MFAP5: variants seen among roughly 807,000 people sequenced by gnomAD.
The protein encoded by MFAP5 is microfibril associated protein 5, also known as microfibrillar-associated protein 5.
In MFAP5, 19 loss-of-function variants were observed where a neutral mutation model predicts 30.1. The observed-to-expected ratio is 0.63, with a 90% CI of 0.44 to 0.93. The LOEUF is 0.93. Ranked by LOEUF, MFAP5 falls within the 40% of genes least tolerant of loss-of-function variation. The probability of loss-of-function intolerance (pLI) is 0.00; values close to 1 mark genes in which losing one functional copy is unlikely to be tolerated. For missense variants in MFAP5, 210 were observed against 221.3 expected, an observed-to-expected ratio of 0.95 and a Z score of 0.32; for synonymous variants, 92 against 72.9, an observed-to-expected ratio of 1.26 and a Z score of -1.33.
chr12:8,649,925 A>G (rs1475174097), intron 8 of MFAP5, among the ~76,000 whole-genome samples: 1 of 151,702 alleles, frequency 6.6e-6, no homozygotes, highest in Non-Finnish European at 1.5e-5. Context: ...TTTATCCCTC[A>G]TTCCTCTCCC....
intron 9 of MFAP5, among the ~76,000 whole-genome samples, chr12:8,648,764 A>G (rs1456032251): frequency 6.6e-6 from 1 of 152,202 alleles, no homozygotes; most frequent in African/African-American, 2.4e-5. Flanking sequence ...GAAGTTAACT[A>G]CAGCTCTTAC....
intron 6 of MFAP5, among the ~76,000 whole-genome samples, chr12:8,653,409 G>C (rs979921010): frequency 2.0e-5 from 3 of 152,086 alleles, no homozygotes; most frequent in African/African-American, 4.8e-5. Flanking sequence ...GAGTACAGTA[G>C]GGGGTTTGGA....
intron 8 of MFAP5, chr12:8,650,276 G>A (rs990248159): frequency 2.7e-5 from 14 of 517,652 alleles, no homozygotes; most frequent in African/African-American, 1.2e-4. Flanking sequence ...TTCCTCCAGC[G>A]CCCACCTTCA....
intron 3 of MFAP5, 114 bp downstream of exon 3, chr12:8,660,749 C>CTT (rs35362262): frequency 2.2e-3 from 1,433 of 648,624 alleles, no homozygotes; most frequent in South Asian, 5.1e-3. Context: ...AGGAAATATT[C>CTT]TTTTTTTTTT....
chr12:8,656,262 G>GTGTTAACCAGGA (rs774166178), intron 3 of MFAP5, among the ~76,000 whole-genome samples: 6 of 151,138 alleles, frequency 4.0e-5, no homozygotes, highest in Admixed American at 3.3e-4. Flanking sequence ...GGGTTTCACC[G>GTGTTAACCAGGA]TGGTCTCGAT....
rs1163153707 is a variant in MFAP5, at chr12:8,646,118, T to C, written c.*1973A>G. ...TTCTTAAAATTAATCTTGGAAACTCTGTGCCTATGAGGTTTCTCTAAAGTG... is the reference window on the plus strand; with the variant it reads ...TTCTTAAAATTAATCTTGGAAACTCCGTGCCTATGAGGTTTCTCTAAAGTG... On this transcript the variant is annotated 3_prime_UTR_variant, in exon 10 of 10. Coordinates refer to ENST00000359478, the MANE Select transcript of MFAP5 (RefSeq NM_003480.4). 1 of 152,676 alleles carries C rather than the reference T, an allele frequency of 6.5e-6. No individual in the cohort carries two copies. Among genetic ancestry groups the C allele is most frequent in the Admixed American group, 6.5e-5 (1 of 15,280 alleles). 9.5% of individuals were successfully genotyped at this position (152,676 alleles called of 1,614,324 possible).
intron 3 of MFAP5, among the ~76,000 whole-genome samples, chr12:8,659,309 GA>G (rs78077672): frequency 0.019 from 2,443 of 130,304 alleles, 63 homozygotes; most frequent in African/African-American, 0.061. Flanking sequence ...ACTCTGTCTC[GA>G]AAAAAAAAAA....
At chr12:8,648,421 G>A (rs1047247319) in intron 9 of MFAP5, 1 of 993,192 alleles carries the variant, frequency 1.0e-6, no homozygotes, top group Non-Finnish European at 1.4e-6. Context: ...TGTAAAATGA[G>A]AATTAAAATA....
In MFAP5 at chr12:8,657,641, C is replaced by T. The variant is rs754960462; in HGVS notation, c.95-1811G>A. ...CTGGAGTGCAGTGGCGGCATGATCT[C>T]GGCTCACTGCAACCTCCGCCTCCCA... On this transcript the variant is annotated intron_variant, in intron 3 of 9. Transcript: ENST00000359478. Among the ~76,000 whole-genome samples the T allele has an allele frequency of 2.1e-3, 309 of 145,634 alleles. 2 individuals are homozygous for T. The highest frequency in any genetic ancestry group is 7.6e-3 in the African/African-American group (300 of 39,292).
At chr12:8,656,817 G>A (rs896405702) in intron 3 of MFAP5, among the ~76,000 whole-genome samples, 3 of 151,576 alleles carry the variant, frequency 2.0e-5, no homozygotes, top group Admixed American at 6.6e-5. Context: ...ACAGGCGCCC[G>A]CCACCACACC....
rs1042828478 is a variant in MFAP5, at chr12:8,648,101, T to C, written c.512A>G (p.Asn171Ser). Reference protein sequence around the residue: ...PCENVDLQRPNGL With the variant: ...PCENVDLQRPSGL ...CCTCTTTTTCAATGATCACAGACCA[T>C]TGGGTCTCTGCAAATCCACATTTTC... is the stretch of plus-strand genomic sequence containing the variant. The change falls in exon 10 of 10, where the codon AAT becomes AGT. Residue 171 changes from asparagine (N) to serine (S), a missense_variant. Coordinates refer to ENST00000359478, the MANE Select transcript of MFAP5 (RefSeq NM_003480.4). 8.7e-6 allele frequency: 14 copies of C among 1,611,400 alleles called. No homozygotes were observed. The highest frequency in any genetic ancestry group is 2.7e-5 in the African/African-American group (2 of 74,822).
rs1265607160 is a variant in MFAP5 at position 8,656,649 on chromosome 12, C to CACAT, written c.95-820_95-819insATGT. ...ATACACACACACACACACACACACA[C>CACAT]ATATATATATATATATATATTTTTT... On this transcript the variant is annotated intron_variant, in intron 3 of 9. Coordinates refer to ENST00000359478, the MANE Select transcript of MFAP5 (RefSeq NM_003480.4). Among the ~76,000 whole-genome samples the CACAT allele has an allele frequency of 1.2e-3, 126 of 109,058 alleles. 2 individuals carry two copies. Among genetic ancestry groups the CACAT allele is most frequent in the African/African-American group, 3.6e-3 (102 of 28,334 alleles). The allele number at this position is 109,058 out of a possible 152,430, so 71.5% of individuals were successfully genotyped here.
chr12:8,655,578 G>T, intron 4 of MFAP5, 131 bp from the exon 5 acceptor site: 2 of 1,039,556 alleles, frequency 1.9e-6, no homozygotes, highest in Non-Finnish European at 2.8e-6. Context: ...TCGGGCAGAT[G>T]AGGGACTATC....
intron 6 of MFAP5, among the ~76,000 whole-genome samples, chr12:8,653,061 G>A (rs750182630): frequency 4.6e-5 from 7 of 151,908 alleles, no homozygotes; most frequent in Non-Finnish European, 8.8e-5. Context: ...GCTTGGTGGT[G>A]GGCGCCTGTA....
intron 8 of MFAP5, 78 bp downstream of exon 8, chr12:8,650,424 G>A: frequency 1.4e-6 from 2 of 1,433,664 alleles, no homozygotes; most frequent in South Asian, 1.2e-5. Flanking sequence ...CAATTCCATA[G>A]TGGGTGCTCA....
rs2136455322 is a variant in MFAP5, at chr12:8,646,770, GATTACAGGC to G, written c.*1312_*1320del. ...CTGCCTCAGCCTCCCGAGTAGCTGG[GATTACAGGC>G]ACGTGCCACCACGCCCAGCTAATTT... On this transcript the variant is annotated 3_prime_UTR_variant, in exon 10 of 10. Coordinates refer to ENST00000359478, the MANE Select transcript of MFAP5 (RefSeq NM_003480.4). 6.6e-6 allele frequency: 1 copy of G among 152,204 alleles called. No homozygotes were observed. Among genetic ancestry groups the G allele is most frequent in the South Asian group, 2.1e-4 (1 of 4,824 alleles). The allele number at this position is 152,204 out of a possible 1,614,324, so 9.4% of individuals were successfully genotyped here. A position where few individuals can be genotyped will look rare whatever the true frequency, so the allele number is the denominator to read the frequency against.
intron 6 of MFAP5, among the ~76,000 whole-genome samples, chr12:8,652,383 T>G (rs1026040278): frequency 6.6e-6 from 1 of 152,090 alleles, no homozygotes. Flanking sequence ...AGGCAGAGGC[T>G]GCAGTGAGCC....
intron 3 of MFAP5, among the ~76,000 whole-genome samples, chr12:8,657,119 A>G (rs759505867): frequency 6.6e-6 from 1 of 152,252 alleles, no homozygotes; most frequent in Non-Finnish European, 1.5e-5. Context: ...TCAAAATGTC[A>G]TGGTGGATAC....
chr12:8,656,573 A>AACATATATATAT (rs1248213357), intron 3 of MFAP5, among the ~76,000 whole-genome samples: 4 of 128,546 alleles, frequency 3.1e-5, no homozygotes, highest in African/African-American at 6.6e-5. Flanking sequence ...ATGCCTGGCT[A>AACATATATATAT]ATATATATAT....
Sources: gnomAD v4.1 joint callset for allele counts (sites outside exome capture counted in the v4.1 genomes callset) on GRCh38, gnomAD v4.1.1 for gene constraint, MANE v1.5 for transcripts, NCBI Gene and HGNC (gene_info 2026-07-23, HGNC 2026-07-21) for gene names.